Variants in GPR89B observed in about 807,000 individuals in gnomAD.
GPR89B encodes golgi pH regulator B.
A neutral mutation model predicts 52.4 loss-of-function variants in GPR89B; 25 were observed. That is an observed-to-expected ratio of 0.48 (90% CI 0.35 to 0.67). GPR89B has a LOEUF of 0.67. Ranked by LOEUF, GPR89B falls within the 30% of genes least tolerant of loss-of-function variation. The pLI, the probability that GPR89B is intolerant of heterozygous loss-of-function variation, is 0.01. For missense variants in GPR89B, 146 were observed against 450.2 expected (o/e 0.32, Z 6.11); for synonymous variants, 52 against 151.2 (o/e 0.34, Z 4.81).
chr1:147,958,080 A>AG (rs1313823785), intron 7 of GPR89B, among the ~76,000 whole-genome samples: 3 of 152,092 alleles, frequency 2.0e-5, no homozygotes, highest in African/African-American at 7.2e-5. Context: ...GAAAAAAAAA[A>AG]AGAATGATAA....
chr1:148,005,747 G>C, the GPR89B span, among the ~76,000 whole-genome samples: 6 of 151,936 alleles, frequency 3.9e-5, no homozygotes, highest in South Asian at 6.2e-4. Context: ...TGTCTTGCTG[G>C]AGCACATATA....
At chr1:147,970,545 C>CTA (rs1558059001) in intron 10 of GPR89B, among the ~76,000 whole-genome samples, 124 of 129,356 alleles carry the variant, frequency 9.6e-4, no homozygotes, top group African/African-American at 3.2e-3. Flanking sequence ...ATCTCTATCT[C>CTA]TCTCTCTCTA....
downstream of GPR89B, among the ~76,000 whole-genome samples, chr1:147,994,678 T>G (rs1659271818): frequency 6.6e-6 from 1 of 152,208 alleles, no homozygotes; most frequent in Non-Finnish European, 1.5e-5. Flanking sequence ...ATATTTCTTT[T>G]GTATAAGACT....
chr1:147,929,541 A>ATT, intron 1 of GPR89B, among the ~76,000 whole-genome samples: 1 of 152,238 alleles, frequency 6.6e-6, no homozygotes, highest in Non-Finnish European at 1.5e-5. Context: ...TCCAATAAAG[A>ATT]TTTTGTGTGT....
the GPR89B span, chr1:148,005,470 C>T: frequency 3.7e-6 from 6 of 1,605,176 alleles, no homozygotes; most frequent in Admixed American, 1.0e-4. Context: ...CATAGCCACA[C>T]CTTGAGGTGT....
intron 12 of GPR89B, among the ~76,000 whole-genome samples, chr1:147,990,930 G>A (rs1179552280): frequency 3.2e-4 from 49 of 151,842 alleles, no homozygotes; most frequent in African/African-American, 8.5e-4. Context: ...TTGGCAATGC[G>A]GGCTCTTTTT....
chr1:148,002,582 C>T, the GPR89B span, among the ~76,000 whole-genome samples: 28 of 152,206 alleles, frequency 1.8e-4, no homozygotes, highest in East Asian at 1.2e-3. Context: ...GTTCTTCTTG[C>T]GTAATTGTTA....
intron 10 of GPR89B, among the ~76,000 whole-genome samples, chr1:147,974,056 T>C (rs1478041029): frequency 6.6e-6 from 1 of 151,850 alleles, no homozygotes. Context: ...TACCATGCTG[T>C]TTTGGTCACT....
downstream of GPR89B, chr1:147,993,716 A>T (rs1314525743): frequency 6.6e-6 from 1 of 150,724 alleles, no homozygotes; most frequent in African/African-American, 2.5e-5. Context: ...ACACTCAGAC[A>T]TGCAATTTAA....
the GPR89B span, among the ~76,000 whole-genome samples, chr1:148,015,368 G>T: frequency 2.7e-5 from 4 of 145,710 alleles, no homozygotes; most frequent in African/African-American, 5.3e-5. Flanking sequence ...AGGCTGGAGT[G>T]CAGTGGCGCC....
chr1:147,971,593 T>C (rs1446565600), intron 10 of GPR89B, among the ~76,000 whole-genome samples: 10 of 150,096 alleles, frequency 6.7e-5, no homozygotes, highest in East Asian at 6.0e-4. Context: ...TCCCCTGCCT[T>C]AGGCTCCCAA....
At chr1:147,977,537 G>T (rs1657933399) in intron 10 of GPR89B, among the ~76,000 whole-genome samples, 1 of 151,968 alleles carries the variant, frequency 6.6e-6, no homozygotes, top group South Asian at 2.1e-4. Flanking sequence ...GTCTTGCTAG[G>T]TTGGGGAAGT....
intron 12 of GPR89B, among the ~76,000 whole-genome samples, chr1:147,990,529 T>C (rs1658983354): frequency 6.6e-6 from 1 of 152,228 alleles, no homozygotes. Context: ...TGCCCATGCC[T>C]ATGTCCTGAA....
chr1:147,964,367 C>T (rs1656877005), intron 7 of GPR89B, among the ~76,000 whole-genome samples: 1 of 151,944 alleles, frequency 6.6e-6, no homozygotes, highest in Non-Finnish European at 1.5e-5. Flanking sequence ...TACCAAACCT[C>T]AGCCAAGTGC....
At chr1:148,005,527 TA>T in the GPR89B span, 1 of 1,601,882 alleles carries the variant, frequency 6.2e-7, no homozygotes, top group Non-Finnish European at 8.5e-7. Flanking sequence ...AGAGTAGGGG[TA>T]AACTCCATGT....
chr1:147,936,305 C>T (rs1382130375), intron 1 of GPR89B, among the ~76,000 whole-genome samples: 1 of 152,238 alleles, frequency 6.6e-6, no homozygotes, highest in East Asian at 1.9e-4. Flanking sequence ...AGGCACCGTG[C>T]CTGGCCACTG....
intron 5 of GPR89B, among the ~76,000 whole-genome samples, chr1:147,949,984 C>G (rs1406095077): frequency 6.9e-6 from 1 of 145,044 alleles, no homozygotes; most frequent in African/African-American, 2.6e-5. Context: ...CTGACCCCCC[C>G]ACCTCCCTCC....
downstream of GPR89B, among the ~76,000 whole-genome samples, chr1:147,998,393 C>T (rs1281812040): frequency 1.4e-5 from 2 of 143,614 alleles, no homozygotes; most frequent in Non-Finnish European, 3.0e-5. Flanking sequence ...TTACCCAGTT[C>T]AACTAACTTC....
chr1:148,011,204 T>G, the GPR89B span: 1 of 152,214 alleles, frequency 6.6e-6, no homozygotes, highest in Non-Finnish European at 1.5e-5. Flanking sequence ...GTTATTGTAC[T>G]ACACAGGCTG....
Sources: allele counts gnomAD v4.1 joint callset (sites outside exome capture counted in the v4.1 genomes callset), GRCh38; gene constraint gnomAD v4.1.1; transcripts MANE v1.5; gene names NCBI Gene and HGNC (gene_info 2026-07-23, HGNC 2026-07-21).